The following BAZ1B variants were observed in gnomAD, a reference collection of about 807,000 sequenced individuals.
BAZ1B encodes tyrosine-protein kinase BAZ1B.
BAZ1B carries 22 observed loss-of-function variants against 153.8 expected under a neutral mutation model. The ratio of observed to expected loss-of-function variants is 0.14; its 90% confidence interval spans 0.10 to 0.20. The LOEUF (loss-of-function observed/expected upper bound fraction) is 0.20. BAZ1B is among the 10% of genes least tolerant of loss of function. The pLI is 1.00. For missense variants in BAZ1B, 1,325 were observed against 1,799.3 expected (o/e 0.74, Z 4.77); for synonymous variants, 676 against 633.4 (o/e 1.07, Z -1.01).
intron 3 of BAZ1B, among the ~76,000 whole-genome samples, chr7:73,501,894 T>A (rs565618307): frequency 6.7e-6 from 1 of 149,232 alleles, no homozygotes; most frequent in East Asian, 1.9e-4. Flanking sequence ...AGAATTTTTT[T>A]TTTTTTTTTT....
intron 3 of BAZ1B, among the ~76,000 whole-genome samples, chr7:73,505,963 C>T (rs1055556051): frequency 7.2e-5 from 11 of 152,188 alleles, no homozygotes; most frequent in African/African-American, 1.9e-4. Flanking sequence ...ATGTATCAAC[C>T]TCAACATGTC....
chr7:73,446,351 A>C (rs1161519782), intron 16 of BAZ1B, among the ~76,000 whole-genome samples: 1 of 152,100 alleles, frequency 6.6e-6, no homozygotes, highest in Non-Finnish European at 1.5e-5. Flanking sequence ...TTGGGAGGCC[A>C]AGGCAGGCAG....
At chr7:73,491,027 C>T (rs1789618999) in intron 5 of BAZ1B, among the ~76,000 whole-genome samples, 1 of 151,872 alleles carries the variant, frequency 6.6e-6, no homozygotes, top group African/African-American at 2.4e-5. Flanking sequence ...GTGGCTCATG[C>T]CTGTAATCCC....
intron 3 of BAZ1B, among the ~76,000 whole-genome samples, chr7:73,508,016 C>T (rs1416977427): frequency 6.7e-6 from 1 of 149,778 alleles, no homozygotes; most frequent in East Asian, 2.0e-4. Context: ...ACTAGCCGGG[C>T]GTGGTGGTGC....
chr7:73,459,687 C>T lies in BAZ1B; in HGVS notation c.3281G>A (p.Gly1094Asp). ...GGCCTGAAGGGCAATCACACACTCA[C>T]CAAAATCCTTCAATTTCTCTAATGA... ...VISLEKLKDF[G>D]ECVIALQASV... is the part of the protein sequence containing the mutation. The change falls in exon 13 of 20, where the codon GGT becomes GAT. Residue 1094 changes from glycine to aspartate, a missense_variant. Coordinates refer to ENST00000339594, the MANE Select transcript of BAZ1B (RefSeq NM_032408.4). 6.2e-7 allele frequency: 1 copy of T among 1,607,016 alleles called. No homozygotes were observed. Among genetic ancestry groups the T allele is most frequent in the African/African-American group, 1.3e-5 (1 of 74,382 alleles).
At chr7:73,446,546 CAAAAAAAAAAAAA>C (rs1175189600) in intron 16 of BAZ1B, among the ~76,000 whole-genome samples, 8 of 41,536 alleles carry the variant, frequency 1.9e-4, no homozygotes, top group African/African-American at 6.6e-4. Flanking sequence ...GAGACCATCT[CAAAAAAAAAAAAA>C]AAAAAAAAAA....
rs782034767 is a variant in BAZ1B, at chr7:73,510,871, GA to G, written c.108-20del. ...ATACTCTCTGTTGGCAGTAGTTCAG[GA>G]AAACAATATGCAAGCAACAGAGACG... On this transcript the variant is annotated intron_variant, in intron 1 of 19. Transcript: ENST00000339594. 1 of 1,603,578 alleles carries G rather than the reference GA, an allele frequency of 6.2e-7. No homozygotes were observed. Among genetic ancestry groups the G allele is most frequent in the Non-Finnish European group, 8.5e-7 (1 of 1,170,732 alleles).
At position 73,522,293 on chromosome 7, in the gene BAZ1B, T is replaced by C. The variant is rs1791099354; in HGVS notation, c.-360A>G. The C allele has an allele frequency of 1.1e-5, 4 of 368,888 alleles. No homozygotes were observed. The highest frequency in any genetic ancestry group is 1.9e-5 in the Non-Finnish European group (4 of 207,490). 22.9% of individuals were successfully genotyped at this position (368,888 alleles called of 1,614,324 possible). The stretch of plus-strand genomic sequence containing the variant: ...CCCCGGGCCCGGCCAACGCACACAC[T>C]AACTTGCTCCCCCGTGGCGCCGGTG... On this transcript the variant is annotated 5_prime_UTR_variant, in exon 1 of 20. Transcript: ENST00000339594.
At chr7:73,497,457 T>G (rs1198272038) in intron 4 of BAZ1B, among the ~76,000 whole-genome samples, 1 of 152,224 alleles carries the variant, frequency 6.6e-6, no homozygotes, top group Non-Finnish European at 1.5e-5. Flanking sequence ...GTATGGTCTG[T>G]GTAAGTTTTG....
chr7:73,461,630 GATTA>G lies in BAZ1B; in HGVS notation c.3249+1288_3249+1291del, dbSNP rs1354541380. 5.3e-5 allele frequency among the ~76,000 whole-genome samples: 8 copies of G among 151,946 alleles called. 1 individual carries two copies. The highest frequency in any genetic ancestry group is 1.0e-4 in the Non-Finnish European group (7 of 68,002). On this transcript the variant is annotated intron_variant, in intron 12 of 19. Transcript: ENST00000339594. ...GAAATGTACCAAGAATTCATCACAA[GATTA>G]ATTAAAAAGAAAAAATGTGCATATG...
At chr7:73,491,590 A>G (rs1380334289) in intron 5 of BAZ1B, among the ~76,000 whole-genome samples, 1 of 151,770 alleles carries the variant, frequency 6.6e-6, no homozygotes, top group Non-Finnish European at 1.5e-5. Flanking sequence ...CAAGAGCAAA[A>G]CTCCATCTCA....
chr7:73,470,755 AG>A (rs1788771569), intron 7 of BAZ1B, among the ~76,000 whole-genome samples: 1 of 152,074 alleles, frequency 6.6e-6, no homozygotes, highest in African/African-American at 2.4e-5. Context: ...TTTTGTTTTG[AG>A]GCAGAGTCTT....
intron 3 of BAZ1B, among the ~76,000 whole-genome samples, chr7:73,505,260 G>A (rs1392408716): frequency 6.6e-6 from 1 of 152,104 alleles, no homozygotes; most frequent in African/African-American, 2.4e-5. Flanking sequence ...GCTTTGATAA[G>A]TATTCCCTCA....
At chr7:73,443,711 T>C (rs1787716952) in intron 17 of BAZ1B, among the ~76,000 whole-genome samples, 1 of 152,130 alleles carries the variant, frequency 6.6e-6, no homozygotes, top group African/African-American at 2.4e-5. Flanking sequence ...TGGAGACACA[T>C]GGATACTATT....
chr7:73,489,344 T>A lies in BAZ1B; in HGVS notation c.741A>T (p.Pro247=). The change falls in exon 6 of 20, where the codon CCA becomes CCT. Residue 247 remains proline, a synonymous_variant. Transcript: ENST00000339594. ...AGTATCGAACTATCTCCTTATTTGG[T>A]GGGCGCTCTGTACGAATCAAGCTGT... The part of the protein sequence containing the change: ...PADSLIRTER[P]PNKEIVRYFI... The A allele has an allele frequency of 1.2e-6, 2 of 1,614,184 alleles. No individual in the cohort carries two copies. The highest frequency in any genetic ancestry group is 2.2e-5 in the South Asian group (2 of 91,086).
intron 11 of BAZ1B, among the ~76,000 whole-genome samples, chr7:73,465,131 C>G (rs781958651): frequency 2.6e-5 from 4 of 152,150 alleles, no homozygotes; most frequent in Non-Finnish European, 5.9e-5. Flanking sequence ...TAGAATACTT[C>G]TGGACACCCA....
intron 10 of BAZ1B, 58 bp from the exon 11 acceptor site, chr7:73,465,595 A>T: frequency 8.5e-7 from 1 of 1,171,492 alleles, no homozygotes. Context: ...TCAAAATCAA[A>T]CACTAAGCAA....
In BAZ1B at chr7:73,463,170, TTAACA is replaced by T. The variant is rs1788455006; in HGVS notation, c.3072-76_3072-72del. On this transcript the variant is annotated intron_variant, in intron 11 of 19. Coordinates refer to ENST00000339594, the MANE Select transcript of BAZ1B (RefSeq NM_032408.4). ...AAGATGTTCTTCAAATTTCAATTAC[TTAACA>T]TGTTTTATTTCTAGAAAACTTACTT... 9 of 1,359,324 alleles carry T rather than the reference TTAACA, an allele frequency of 6.6e-6. No individual in the cohort carries two copies. The South Asian group carries it at 1.1e-4, about 17-fold the overall frequency. The allele number at this position is 1,359,324 out of a possible 1,614,324, so 84.2% of individuals were successfully genotyped here.
intron 12 of BAZ1B, among the ~76,000 whole-genome samples, chr7:73,461,073 T>A (rs1788379107): frequency 6.6e-6 from 1 of 152,086 alleles, no homozygotes; most frequent in Non-Finnish European, 1.5e-5. Flanking sequence ...CCTCCCGGGT[T>A]TAAGCGATTC....
Sources: gnomAD v4.1 joint callset for allele counts (sites outside exome capture counted in the v4.1 genomes callset) on GRCh38, gnomAD v4.1.1 for gene constraint, MANE v1.5 for transcripts, NCBI Gene and HGNC (gene_info 2026-07-23, HGNC 2026-07-21) for gene names.